The following ABCB4 variants were observed in gnomAD, a reference collection of about 807,000 sequenced individuals.
ABCB4 encodes ATP binding cassette subfamily B member 4.
A neutral mutation model predicts 145.7 loss-of-function variants in ABCB4; 76 were observed. The ratio of observed to expected loss-of-function variants is 0.52; its 90% CI spans 0.43 to 0.63. ABCB4 has a LOEUF of 0.63. Ranked by LOEUF, ABCB4 falls within the 30% of genes least tolerant of loss-of-function variation. The pLI is 0.00. For synonymous variants in ABCB4, 517 were observed against 566.8 expected (o/e 0.91, Z 1.25); for missense variants, 1,234 against 1,553.1 (o/e 0.79, Z 3.45).
intron 4 of ABCB4, among the ~76,000 whole-genome samples, chr7:87,458,028 TTCATTATAAAATAAAGAGCTG>T (rs1812213466): frequency 6.6e-6 from 1 of 152,222 alleles, no homozygotes; most frequent in Non-Finnish European, 1.5e-5. Context: ...CATAGAACTA[TTCATTATAAAATAAAGAGCTG>T]GTGTTTGTTC....
At chr7:87,403,698 T>C (rs897633282) in intron 26 of ABCB4, among the ~76,000 whole-genome samples, 8 of 152,214 alleles carry the variant, frequency 5.3e-5, no homozygotes, top group East Asian at 1.9e-4. Context: ...TTATGACAGC[T>C]ATGTCACTAG....
rs371152960 is a variant in ABCB4 at position 87,408,185 on chromosome 7, G to A, written c.3131C>T (p.Pro1044Leu). Residue 1044 changes from proline to leucine, a missense_variant, in exon 25 of 28, where the codon CCC (proline) becomes CTC (leucine). Around this residue, in one of 7 missense-constraint regions of ABCB4, gnomAD observed 301 missense variants for 389.0 expected, o/e 0.77. Transcript: ENST00000649586. ...AAGCACTGGCACGTTTGCTCGGGTG[G>A]GATAGTTGAACACGACTTCATTAAA... ...ITFNEVVFNY[P>L]TRANVPVLQG... 1.4e-5 allele frequency: 23 copies of A among 1,613,956 alleles called. No individual in the cohort carries two copies. In the African/African-American group the frequency reaches 2.4e-4, roughly 17 times the overall value.
the ABCB4 span, among the ~76,000 whole-genome samples, chr7:87,383,288 T>A: frequency 6.6e-6 from 1 of 152,198 alleles, no homozygotes. Context: ...CAATCTCTGT[T>A]AACCACCATT....
chr7:87,437,271 G>A (rs1810670364), intron 14 of ABCB4, among the ~76,000 whole-genome samples: 2 of 152,132 alleles, frequency 1.3e-5, no homozygotes, highest in Non-Finnish European at 1.5e-5. Flanking sequence ...TTTCATATAA[G>A]GAAGCCAGGT....
chr7:87,413,869 A>G, intron 21 of ABCB4, 152 bp from the exon 22 acceptor site: 1 of 650,880 alleles, frequency 1.5e-6, no homozygotes, highest in Non-Finnish European at 2.7e-6. Context: ...TAATCTGTTC[A>G]AGACTAGCTT....
intron 3 of ABCB4, among the ~76,000 whole-genome samples, chr7:87,471,391 A>G (rs1000598530): frequency 6.6e-6 from 1 of 152,196 alleles, no homozygotes; most frequent in Non-Finnish European, 1.5e-5. Context: ...AAATAAAGAA[A>G]AAAAAACTTC....
At chr7:87,389,609 C>T in the ABCB4 span, among the ~76,000 whole-genome samples, 1 of 151,506 alleles carries the variant, frequency 6.6e-6, no homozygotes, top group Admixed American at 6.6e-5. Flanking sequence ...ACATCACACA[C>T]CGGGGGCTGT....
chr7:87,450,085 G>A lies in ABCB4; in HGVS notation c.716C>T (p.Ser239Leu), dbSNP rs773498288. ...AGCTAGTTCTTTGTCACTAAATGCC[G>A]AGAGTATCTGGACAGAAAAGAAACA... ...LSAAVWAKIL[S>L]AFSDKELAAY... Residue 239 changes from serine (S) to leucine (L), a missense_variant, in exon 8 of 28, where the codon TCG (serine) becomes TTG (leucine). Ser to Leu is a moderately radical substitution (Grantham distance 145). Around this residue, in one of 7 missense-constraint regions of ABCB4, gnomAD observed 467 missense variants for 632.8 expected, o/e 0.74. Transcript: ENST00000649586. 8.1e-6 allele frequency: 13 copies of A among 1,613,910 alleles called. No homozygotes were observed. Among genetic ancestry groups the A allele is most frequent in the African/African-American group, 2.7e-5 (2 of 74,918 alleles).
chr7:87,382,006 A>T, the ABCB4 span: 1 of 1,592,150 alleles, frequency 6.3e-7, no homozygotes, highest in Non-Finnish European at 8.6e-7. Flanking sequence ...ATGTTTGAAT[A>T]AATATTTCAT....
chr7:87,383,278 CA>C, the ABCB4 span, among the ~76,000 whole-genome samples: 1 of 152,120 alleles, frequency 6.6e-6, no homozygotes, highest in Non-Finnish European at 1.5e-5. Context: ...CTACTCATCC[CA>C]ATCTCTGTTA....
intron 3 of ABCB4, among the ~76,000 whole-genome samples, chr7:87,465,578 A>T (rs1266189711): frequency 1.3e-5 from 2 of 152,184 alleles, no homozygotes; most frequent in Non-Finnish European, 2.9e-5. Context: ...AGCATTTGAG[A>T]TCTGAGAATG....
the ABCB4 span, among the ~76,000 whole-genome samples, chr7:87,388,781 C>A: frequency 6.6e-6 from 1 of 152,064 alleles, no homozygotes; most frequent in Non-Finnish European, 1.5e-5. Flanking sequence ...CAAATGGGAT[C>A]TAATTAAACT....
intron 9 of ABCB4, among the ~76,000 whole-genome samples, chr7:87,445,320 A>G (rs1811272063): frequency 6.6e-6 from 1 of 152,208 alleles, no homozygotes; most frequent in Non-Finnish European, 1.5e-5. Context: ...ATGGAATTAC[A>G]TAGACGGTTC....
At chr7:87,379,411 A>G in the ABCB4 span, among the ~76,000 whole-genome samples, 1 of 152,190 alleles carries the variant, frequency 6.6e-6, no homozygotes, top group Non-Finnish European at 1.5e-5. Flanking sequence ...ATTGGATGTT[A>G]TATTGTTATA....
chr7:87,471,530 G>C (rs1813398372), intron 3 of ABCB4, among the ~76,000 whole-genome samples: 1 of 152,136 alleles, frequency 6.6e-6, no homozygotes, highest in African/African-American at 2.4e-5. Context: ...ACAATGAATA[G>C]GGGCTTTTGG....
the ABCB4 span, chr7:87,377,286 G>C: frequency 5.1e-6 from 5 of 971,732 alleles, no homozygotes; most frequent in Non-Finnish European, 7.9e-6. Flanking sequence ...ATGTGTTTAA[G>C]ATGTAAATTC....
chr7:87,427,056 T>A (rs937531490), intron 15 of ABCB4, 136 bp from the exon 16 acceptor site: 1 of 757,876 alleles, frequency 1.3e-6, no homozygotes, highest in Non-Finnish European at 2.2e-6. Context: ...ATTTTCAGAT[T>A]TCCTAACTGC....
intron 4 of ABCB4, among the ~76,000 whole-genome samples, chr7:87,461,369 C>T (rs183762989): frequency 3.2e-4 from 48 of 152,114 alleles, no homozygotes; most frequent in African/African-American, 1.0e-3. Flanking sequence ...CTTTTTTTTC[C>T]GAATCATCTA....
the ABCB4 span, among the ~76,000 whole-genome samples, chr7:87,395,059 A>T: frequency 6.6e-6 from 1 of 152,154 alleles, no homozygotes; most frequent in Non-Finnish European, 1.5e-5. Flanking sequence ...CTCTACAGGG[A>T]CAGAACTAAT....
Sources: allele counts gnomAD v4.1 joint callset (sites outside exome capture counted in the v4.1 genomes callset), GRCh38; gene constraint gnomAD v4.1.1; regional missense constraint gnomAD v4.1.1; transcripts MANE v1.5; gene names NCBI Gene and HGNC (gene_info 2026-07-23, HGNC 2026-07-21).